FER1L5: variants seen among roughly 807,000 people sequenced by gnomAD.
FER1L5 encodes the protein fer-1-like protein 5.
In FER1L5, 187 loss-of-function variants were observed where a neutral mutation model predicts 279.9. The ratio of observed to expected loss-of-function variants is 0.67; its 90% confidence interval spans 0.59 to 0.75. The LOEUF (loss-of-function observed/expected upper bound fraction) is 0.75. Among genes scored for constraint, FER1L5 ranks in the 30% least tolerant of loss-of-function variants. FER1L5 has a pLI of 0.00. For synonymous variants in FER1L5, 921 were observed against 989.7 expected (o/e 0.93, Z 1.30); for missense variants, 2,091 against 2,594.4 (o/e 0.81, Z 4.21).
At chr2:96,664,137 A>AAG (rs372715688) in intron 14 of FER1L5, among the ~76,000 whole-genome samples, 2,568 of 150,952 alleles carry the variant, frequency 0.017, 42 homozygotes, top group Non-Finnish European at 0.023. Flanking sequence ...GAAAAAAGAA[A>AAG]AGAGAGAGAG....
chr2:96,646,289 T>A, intron 1 of FER1L5, 112 bp from the exon 2 acceptor site: 1 of 1,151,284 alleles, frequency 8.7e-7, no homozygotes. Flanking sequence ...TTAGCCACCA[T>A]GCCCGGCCGA....
chr2:96,700,783 G>A (rs2077561581), intron 45 of FER1L5, among the ~76,000 whole-genome samples: 1 of 152,170 alleles, frequency 6.6e-6, no homozygotes, highest in Non-Finnish European at 1.5e-5. Flanking sequence ...CCCGAGGGGT[G>A]GGAAGGTGGC....
intron 26 of FER1L5, among the ~76,000 whole-genome samples, 191 bp from the exon 27 acceptor site, chr2:96,690,296 G>A (rs898884187): frequency 5.9e-5 from 9 of 152,150 alleles, no homozygotes; most frequent in African/African-American, 2.2e-4. Flanking sequence ...AGCTTCCAGC[G>A]CAGAAAGGCA....
Position 96,659,373 on chromosome 2 carries a change from CTT to C in FER1L5, c.748-966_748-965del, listed in dbSNP as rs1234942222. 6.8e-4 allele frequency among the ~76,000 whole-genome samples: 8 copies of C among 11,776 alleles called. 1 individual carries two copies. The highest frequency in any genetic ancestry group is 8.8e-3 in the East Asian group (2 of 226). 7.7% of individuals were successfully genotyped at this position (11,776 alleles called of 152,430 possible). ...TCCTTCCTTCCTTCCTTCTTTCTTT[CTT>C]TCTTTCTTTCTTTCTTTCTTTCTTT... On this transcript the variant is annotated intron_variant, in intron 9 of 52. Transcript: ENST00000624922.
chr2:96,704,233 C>A lies in FER1L5; in HGVS notation c.5820C>A (p.Phe1940Leu). The A allele has an allele frequency of 6.2e-7, 1 of 1,614,016 alleles. No individual in the cohort carries two copies. ...TGGACAGACGCACCAACACCTCTTT[C>A]ACGTGGCTGCGGTCACCAGTTCAAA... ...LHPPLRTNTS[F>L]TWLRSPVQNF... Residue 1940 changes from phenylalanine (F) to leucine (L), a missense_variant, in exon 52 of 53, where the codon TTC (phenylalanine) becomes TTA (leucine). Physicochemically the swap from Phe to Leu is conservative, Grantham distance 22. Transcript: ENST00000624922.
At chr2:96,646,845 C>T (rs191374170) in intron 2 of FER1L5, among the ~76,000 whole-genome samples, 1 of 152,232 alleles carries the variant, frequency 6.6e-6, no homozygotes, top group South Asian at 2.1e-4. Context: ...TCCCAACAGG[C>T]CAATGATACT....
intron 19 of FER1L5, among the ~76,000 whole-genome samples, chr2:96,677,058 T>A (rs1428218256): frequency 6.6e-6 from 1 of 152,194 alleles, no homozygotes; most frequent in Non-Finnish European, 1.5e-5. Context: ...GCCAGGCTGG[T>A]CTCGAACTCC....
chr2:96,659,422 T>A (rs1400987343), intron 9 of FER1L5, among the ~76,000 whole-genome samples: 1 of 10,278 alleles, frequency 9.7e-5, no homozygotes, highest in Non-Finnish European at 1.6e-4. Context: ...TCTTTCTTTC[T>A]TTCTTTCTTT....
At chr2:96,703,419 C>G (rs1457355735) in intron 50 of FER1L5, 73 bp downstream of exon 50, 1 of 1,598,328 alleles carries the variant, frequency 6.3e-7, no homozygotes, top group Admixed American at 1.7e-5. Flanking sequence ...CATCTAGGGA[C>G]CTAGCTAAAT....
intron 5 of FER1L5, 98 bp downstream of exon 5, chr2:96,649,775 AG>A: frequency 8.3e-7 from 1 of 1,210,158 alleles, no homozygotes; most frequent in Non-Finnish European, 1.2e-6. Context: ...CCAGCCCTTG[AG>A]GCCTACAGAA....
rs1388568741 is a variant in FER1L5, at chr2:96,661,377, C to A, written c.831C>A (p.Gly277=). ...WLGLCQPNNP[G]SGVTGYLKVT... The stretch of plus-strand genomic sequence containing the variant: ...GCCTCTGCCAGCCAAATAACCCTGG[C>A]AGTGGTGTGACAGGCTACCTGAAAG... Residue 277 remains glycine, a synonymous_variant, in exon 11 of 53, where the codon GGC becomes GGA. Coordinates refer to ENST00000624922, the MANE Select transcript of FER1L5 (RefSeq NM_001293083.2). 1 of 1,551,512 alleles carries A rather than the reference C, an allele frequency of 6.4e-7. No individual in the cohort carries two copies. Among genetic ancestry groups the A allele is most frequent in the African/African-American group, 1.4e-5 (1 of 73,032 alleles).
chr2:96,686,050 C>T lies in FER1L5; in HGVS notation c.2006C>T (p.Ala669Val), dbSNP rs776995796. 1.7e-5 allele frequency: 26 copies of T among 1,551,662 alleles called. No individual in the cohort carries two copies. Among genetic ancestry groups the T allele is most frequent in the Non-Finnish European group, 2.2e-5 (25 of 1,146,976 alleles). Reference protein sequence around the residue: ...LQELAQKAKQAKPKDMVATAE... With the variant: ...LQELAQKAKQVKPKDMVATAE... The stretch of plus-strand genomic sequence containing the variant: ...GAACTGGCCCAAAAGGCCAAGCAAG[C>T]CAAGCCCAAGGACATGGTGGCCACA... The change falls in exon 22 of 53, where the codon GCC (alanine) becomes GTC (valine). Residue 669 changes from alanine (A) to valine (V), a missense_variant. Coordinates refer to ENST00000624922, the MANE Select transcript of FER1L5 (RefSeq NM_001293083.2).
intron 24 of FER1L5, 107 bp downstream of exon 24, chr2:96,688,054 G>A (rs1558904852): frequency 1.4e-6 from 2 of 1,434,514 alleles, no homozygotes; most frequent in Non-Finnish European, 1.9e-6. Flanking sequence ...GGCGTGAGAA[G>A]GGAGGGTGTA....
chr2:96,689,431 A>C lies in FER1L5; in HGVS notation c.2525+55A>C. 1 of 1,534,636 alleles carries C rather than the reference A, an allele frequency of 6.5e-7. No homozygotes were observed. Among genetic ancestry groups the C allele is most frequent in the South Asian group, 1.2e-5 (1 of 81,230 alleles). ...AGGGGACACTTCACCTGGGAGGGCC[A>C]GTCCGCGGCAGCCCAGAAAGATGGG... On this transcript the variant is annotated intron_variant, in intron 25 of 52. Transcript: ENST00000624922. The surrounding 1 kb of genome is among the most constrained non-coding windows in gnomAD (Gnocchi z 4.6).
chr2:96,662,167 C>A, intron 12 of FER1L5, 48 bp from the exon 13 acceptor site: 1 of 1,539,056 alleles, frequency 6.5e-7, no homozygotes, highest in Non-Finnish European at 8.8e-7. Context: ...ATTTCCTCCT[C>A]CTGAAAAATG....
At position 96,699,609 on chromosome 2, in the gene FER1L5, A is replaced by T. The variant is rs541364480; in HGVS notation, c.4670A>T (p.Asp1557Val). The T allele has an allele frequency of 1.9e-6, 3 of 1,613,890 alleles. No homozygotes were observed. Among genetic ancestry groups the T allele is most frequent in the Non-Finnish European group, 2.5e-6 (3 of 1,179,904 alleles). Residue 1557 changes from aspartate to valine, a missense_variant, in exon 43 of 53, where the codon GAC becomes GTC. By Grantham distance (152) the Asp-to-Val change is radical. Transcript: ENST00000624922. ...AAGGACCTAGAGATCCAGCTCTATGACTTCGACCTATTTTCACCTGATGAT... is the reference window on the plus strand; with the variant it reads ...AAGGACCTAGAGATCCAGCTCTATGTCTTCGACCTATTTTCACCTGATGAT... ...LEKDLEIQLY[D>V]FDLFSPDDKI...
At chr2:96,681,158 G>A (rs3969074) in intron 19 of FER1L5, among the ~76,000 whole-genome samples, 26 of 152,084 alleles carry the variant, frequency 1.7e-4, no homozygotes, top group South Asian at 1.2e-3. Flanking sequence ...AGTGGTCTCA[G>A]GTAGTTTGTT....
Position 96,661,658 on chromosome 2 carries a change from G to C in FER1L5, c.895-10G>C, listed in dbSNP as rs1309368222. ...TTACCTTGACTATATCAGCTCTCTG[G>C]TCTCTCCAGATAGATCAAAAGCTGC... On this transcript the variant is annotated splice_polypyrimidine_tract_variant and intron_variant, in intron 11 of 52. Coordinates refer to ENST00000624922, the MANE Select transcript of FER1L5 (RefSeq NM_001293083.2). The C allele has an allele frequency of 4.5e-6, 7 of 1,551,538 alleles. No individual in the cohort carries two copies. The Admixed American group carries it at 9.8e-5, about 22-fold the overall frequency.
chr2:96,689,789 G>A lies in FER1L5; in HGVS notation c.2640+31G>A, dbSNP rs770759886. ...CAGGGCCGAAGCTGCCTCGGGTTAGGGGGCAAGCAAGGCCACCAGGCGGGG... is the reference window on the plus strand; with the variant it reads ...CAGGGCCGAAGCTGCCTCGGGTTAGAGGGCAAGCAAGGCCACCAGGCGGGG... On this transcript the variant is annotated intron_variant, in intron 26 of 52. Coordinates refer to ENST00000624922, the MANE Select transcript of FER1L5 (RefSeq NM_001293083.2). This position sits in a 1 kb window ranked among gnomAD's most constrained non-coding sequence, Gnocchi z 4.6. 5 of 1,512,376 alleles carry A rather than the reference G, an allele frequency of 3.3e-6. No individual in the cohort carries two copies. Among genetic ancestry groups the A allele is most frequent in the South Asian group, 1.3e-5 (1 of 78,930 alleles). 93.7% of individuals were successfully genotyped at this position (1,512,376 alleles called of 1,614,324 possible). A position where few individuals can be genotyped will look rare whatever the true frequency, so the allele number is the denominator to read the frequency against.
Sources: allele counts gnomAD v4.1 joint callset (sites outside exome capture counted in the v4.1 genomes callset), GRCh38; gene constraint gnomAD v4.1.1; non-coding constraint Gnocchi (gnomAD v3.1); transcripts MANE v1.5; gene names NCBI Gene and HGNC (gene_info 2026-07-23, HGNC 2026-07-21).